MUC5AC: variants seen among roughly 807,000 people sequenced by gnomAD.
MUC5AC encodes mucin 5AC, oligomeric mucus/gel-forming, also known as mucin-5AC.
MUC5AC carries 158 observed loss-of-function variants against 169.7 expected under a neutral mutation model. The observed-to-expected ratio is 0.93, with a 90% CI of 0.82 to 1.06. The LOEUF (loss-of-function observed/expected upper bound fraction) is 1.06, where lower values mean the gene tolerates loss of function less well. Ranked by LOEUF, MUC5AC falls within the 50% of genes least tolerant of loss-of-function variation. The pLI, the probability that MUC5AC is intolerant of heterozygous loss-of-function variation, is 0.00. For missense variants in MUC5AC, 4,359 were observed against 3,089.9 expected (o/e 1.41, Z -9.74); for synonymous variants, 1,975 against 1,237.0 (o/e 1.60, Z -12.52).
intron 10 of MUC5AC, 60 bp from the exon 11 acceptor site, chr11:1,165,562 G>T: frequency 1.9e-6 from 3 of 1,602,662 alleles, no homozygotes; most frequent in South Asian, 1.1e-5. Flanking sequence ...CTCCTGACGC[G>T]GAGGCTGGAG....
chr11:1,187,624 C>T lies in MUC5AC; in HGVS notation c.9479C>T (p.Pro3160Leu), dbSNP rs1310754767. The change falls in exon 31 of 49, where the codon CCC becomes CTC. Residue 3160 changes from proline to leucine, a missense_variant. Coordinates refer to ENST00000621226, the MANE Select transcript of MUC5AC (RefSeq NM_001304359.2). ...SGPGTTPSPV[P>L]TTSTIFAPRT... ...CCTGGAACCACTCCCAGCCCTGTTC[C>T]CACCACCAGCACAATCTTTGCTCCT... 7 of 764,044 alleles carry T rather than the reference C, an allele frequency of 9.2e-6. No homozygotes were observed. Among genetic ancestry groups the T allele is most frequent in the Admixed American group, 1.7e-5 (1 of 58,776 alleles). 47.3% of individuals were successfully genotyped at this position (764,044 alleles called of 1,614,324 possible).
chr11:1,189,917 C>G lies in MUC5AC; in HGVS notation c.11772C>G (p.Thr3924=). The G allele has an allele frequency of 3.9e-6, 3 of 765,114 alleles. No homozygotes were observed. Among genetic ancestry groups the G allele is most frequent in the Non-Finnish European group, 7.2e-6 (3 of 417,860 alleles). 47.4% of individuals were successfully genotyped at this position (765,114 alleles called of 1,614,324 possible). The change falls in exon 31 of 49, where the codon ACC becomes ACG. Residue 3924 remains threonine (T), a synonymous_variant. Transcript: ENST00000621226. ...GAACTACTCCCAGCCCCGTTCCCAC[C>G]ACCAGCACAGCCTCTGTTTCAAAGA... The part of the protein sequence containing the change: ...GSGTTPSPVP[T]TSTASVSKTS...
Position 1,194,607 on chromosome 11 carries a change from G to A in MUC5AC, c.15127G>A (p.Gly5043Ser), listed in dbSNP as rs754161223. 10 of 764,464 alleles carry A rather than the reference G, an allele frequency of 1.3e-5. No homozygotes were observed. The highest frequency in any genetic ancestry group is 1.4e-5 in the Non-Finnish European group (6 of 417,596). 47.4% of individuals were successfully genotyped at this position (764,464 alleles called of 1,614,324 possible). Residue 5043 changes from glycine (G) to serine (S), a missense_variant, in exon 35 of 49, where the codon GGC becomes AGC. By Grantham distance (56) the Gly-to-Ser change is moderately conservative. Coordinates refer to ENST00000621226, the MANE Select transcript of MUC5AC (RefSeq NM_001304359.2). ...GCTGGGAGTCCAGGTCATGTTCTCC[G>A]GCCTCATCTTCTCCGTGGAGGTGCC... ...PELGVQVMFS[G>S]LIFSVEVPFS...
At position 1,188,158 on chromosome 11, in the gene MUC5AC, C is replaced by G; in HGVS notation, c.10013C>G (p.Thr3338Ser). The change falls in exon 31 of 49, where the codon ACC (threonine) becomes AGC (serine). Residue 3338 changes from threonine (T) to serine (S), a missense_variant. Transcript: ENST00000621226. ...VTSTPVTAPS[T>S]PSGRATSPTQ... ...TCCACACCTGTGACAGCTCCTAGCA[C>G]CCCTAGTGGGAGAGCCACCAGCCCA... The G allele has an allele frequency of 1.4e-6, 1 of 716,340 alleles. No individual in the cohort carries two copies. Among genetic ancestry groups the G allele is most frequent in the Middle Eastern group, 2.4e-4 (1 of 4,204 alleles). The allele number at this position is 716,340 out of a possible 1,614,324, so 44.4% of individuals were successfully genotyped here. A position where few individuals can be genotyped will look rare whatever the true frequency, so the allele number is the denominator to read the frequency against.
chr11:1,187,356 G>C lies in MUC5AC; in HGVS notation c.9211G>C (p.Val3071Leu). The C allele has an allele frequency of 1.3e-6, 1 of 741,188 alleles. No individual in the cohort carries two copies. Among genetic ancestry groups the C allele is most frequent in the Non-Finnish European group, 2.5e-6 (1 of 405,526 alleles). The allele number at this position is 741,188 out of a possible 1,614,324, so 45.9% of individuals were successfully genotyped here. Reference protein sequence around the residue: ...TSGPGTTPSPVPTTSTTSAPT... With the variant: ...TSGPGTTPSPLPTTSTTSAPT... ...TGGTCCTGGAACTACCCCAAGCCCT[G>C]TTCCCACCACCAGCACAACCTCTGC... The change falls in exon 31 of 49, where the codon GTT (valine) becomes CTT (leucine). Residue 3071 changes from valine to leucine, a missense_variant. Val to Leu is a conservative substitution (Grantham distance 32, BLOSUM62 1). Coordinates refer to ENST00000621226, the MANE Select transcript of MUC5AC (RefSeq NM_001304359.2).
rs2133756006 is a variant in MUC5AC, at chr11:1,185,062, A to AAC, written c.6917_6918insAC (p.Asn2306LysfsTer20). The AAC allele has an allele frequency of 0.059, 28,257 of 481,442 alleles. 2 individuals carry two copies. The highest frequency in any genetic ancestry group is 0.22 in the African/African-American group (7,486 of 33,366). 29.8% of individuals were successfully genotyped at this position (481,442 alleles called of 1,614,324 possible). A position where few individuals can be genotyped will look rare whatever the true frequency, so the allele number is the denominator to read the frequency against. On this transcript the variant is annotated frameshift_variant, in exon 31 of 49. Coordinates refer to ENST00000621226, the MANE Select transcript of MUC5AC (RefSeq NM_001304359.2). LOFTEE classifies it high-confidence loss of function. ...GCCAGCACAACCTCTGGTCCTGGAA[A>AAC]TACTCCCAGCCCTGTTCCTACCACC... is the stretch of plus-strand genomic sequence containing the variant.
In MUC5AC at chr11:1,185,507, T is replaced by C. The variant is rs1860916543; in HGVS notation, c.7362T>C (p.Pro2454=). The C allele has an allele frequency of 1.4e-5, 10 of 727,024 alleles. No individual in the cohort carries two copies. In the South Asian group the frequency reaches 1.4e-4, roughly 10 times the overall value. The allele number at this position is 727,024 out of a possible 1,614,324, so 45.0% of individuals were successfully genotyped here. The change falls in exon 31 of 49, where the codon CCT becomes CCC. Residue 2454 remains proline (P), a synonymous_variant. Transcript: ENST00000621226. ...CTGGTCCTGGAACTACCCCAAGCCC[T>C]GTTCCCACGACCAGCACAACCTCTG... ...TTSGPGTTPS[P]VPTTSTTSAP...
At position 1,194,517 on chromosome 11, in the gene MUC5AC, G is replaced by A. The variant is rs760446651; in HGVS notation, c.15037G>A (p.Gly5013Ser). ...CTTCAACAACAAGGTGGTCAGCCCC[G>A]GCTTCCGGAAAAACGGCATCGTGGT... The part of the protein sequence containing the change: ...IIFNNKVVSP[G>S]FRKNGIVVSR... Residue 5013 changes from glycine (G) to serine (S), a missense_variant, in exon 35 of 49, where the codon GGC becomes AGC. Physicochemically the swap from Gly to Ser is moderately conservative, Grantham distance 56. Transcript: ENST00000621226. The A allele has an allele frequency of 3.5e-5, 27 of 762,592 alleles. No homozygotes were observed. The highest frequency in any genetic ancestry group is 1.9e-4 in the African/African-American group (11 of 59,202). 47.2% of individuals were successfully genotyped at this position (762,592 alleles called of 1,614,324 possible).
chr11:1,192,988 C>A lies in MUC5AC; in HGVS notation c.14580+6C>A, dbSNP rs887647812. On this transcript the variant is annotated splice_donor_region_variant and intron_variant, in intron 32 of 48. Transcript: ENST00000621226. ...ATGCGGTTCCCCCCAGAAAGGTAAC[C>A]CCCTACTTCTCACCCTTCTGAAGGC... is the stretch of plus-strand genomic sequence containing the variant. The A allele has an allele frequency of 2.9e-6, 2 of 697,134 alleles. No individual in the cohort carries two copies. Among genetic ancestry groups the A allele is most frequent in the Non-Finnish European group, 5.3e-6 (2 of 378,414 alleles). 43.2% of individuals were successfully genotyped at this position (697,134 alleles called of 1,614,324 possible). A position where few individuals can be genotyped will look rare whatever the true frequency, so the allele number is the denominator to read the frequency against.
chr11:1,186,327 C>T lies in MUC5AC; in HGVS notation c.8182C>T (p.Pro2728Ser), dbSNP rs1247627664. Residue 2728 changes from proline to serine, a missense_variant, in exon 31 of 49, where the codon CCA becomes TCA. Transcript: ENST00000621226. ...CCCTACAACCAGCACAATCTCGGCC[C>T]CAACAACCAGCACAACCTCTGCCAC... ...SAPTTSTISA[P>S]TTSTTSATTT... is the part of the protein sequence containing the mutation. The T allele has an allele frequency of 1.1e-5, 8 of 720,854 alleles. No homozygotes were observed. In the Admixed American group the frequency reaches 1.5e-4, roughly 14 times the overall value. The allele number at this position is 720,854 out of a possible 1,614,324, so 44.7% of individuals were successfully genotyped here.
intron 5 of MUC5AC, 64 bp from the exon 6 acceptor site, chr11:1,162,891 C>A: frequency 1.3e-6 from 2 of 1,496,558 alleles, no homozygotes; most frequent in Non-Finnish European, 1.9e-6. Flanking sequence ...AAATCTCAGG[C>A]TCGAGCCTCA....
chr11:1,187,103 C>T lies in MUC5AC; in HGVS notation c.8958C>T (p.Thr2986=), dbSNP rs1860971089. Residue 2986 remains threonine (T), a synonymous_variant, in exon 31 of 49, where the codon ACC becomes ACT. Coordinates refer to ENST00000621226, the MANE Select transcript of MUC5AC (RefSeq NM_001304359.2). ...PGTTPSPVPT[T]STTSAPTTST... ...CTACTCCCAGCCCTGTTCCCACCAC[C>T]AGCACAACCTCTGCTCCCACAACAA... The T allele has an allele frequency of 2.7e-6, 2 of 733,414 alleles. No homozygotes were observed. Among genetic ancestry groups the T allele is most frequent in the Admixed American group, 3.7e-5 (2 of 53,738 alleles). 45.4% of individuals were successfully genotyped at this position (733,414 alleles called of 1,614,324 possible).
At chr11:1,199,599 CT>C in intron 46 of MUC5AC, 95 bp from the exon 47 acceptor site, 1 of 693,098 alleles carries the variant, frequency 1.4e-6, no homozygotes, top group Admixed American at 2.0e-5. Flanking sequence ...CTGCTTGGGG[CT>C]GTCCACTCCT....
At position 1,194,230 on chromosome 11, in the gene MUC5AC, G is replaced by A. The variant is rs1372136194; in HGVS notation, c.14876G>A (p.Arg4959His). The A allele has an allele frequency of 5.2e-6, 4 of 764,996 alleles. No homozygotes were observed. Among genetic ancestry groups the A allele is most frequent in the Admixed American group, 1.7e-5 (1 of 59,002 alleles). 47.4% of individuals were successfully genotyped at this position (764,996 alleles called of 1,614,324 possible). ...QQIVPVYGHF[R>H]VLVDNYFCGA... The stretch of plus-strand genomic sequence containing the variant: ...ATTGTGCCCGTGTATGGCCACTTCC[G>A]CGTGCTCGTCGACAACTACTTCTGC... The change falls in exon 34 of 49, where the codon CGC becomes CAC. Residue 4959 changes from arginine (R) to histidine (H), a missense_variant. Coordinates refer to ENST00000621226, the MANE Select transcript of MUC5AC (RefSeq NM_001304359.2).
At chr11:1,158,800 A>C (rs1860039842) in intron 1 of MUC5AC, among the ~76,000 whole-genome samples, 1 of 152,114 alleles carries the variant, frequency 6.6e-6, no homozygotes, top group Non-Finnish European at 1.5e-5. Flanking sequence ...GGACCTCAGC[A>C]CTGCCGAGAC....
Position 1,188,979 on chromosome 11 carries a change from G to A in MUC5AC, c.10834G>A (p.Glu3612Lys), listed in dbSNP as rs1339709677. ...ACCCTTCAAGATGTGCCTCAACTAC[G>A]AGGTGCGTGTGCTTTGCTGCGAGAC... ...QGPFKMCLNY[E>K]VRVLCCETPK... Residue 3612 changes from glutamate (E) to lysine (K), a missense_variant, in exon 31 of 49, where the codon GAG becomes AAG. Glu to Lys is a moderately conservative substitution (Grantham distance 56). Transcript: ENST00000621226. The A allele has an allele frequency of 1.4e-6, 1 of 691,794 alleles. No homozygotes were observed. The highest frequency in any genetic ancestry group is 2.1e-5 in the Admixed American group (1 of 48,144). The allele number at this position is 691,794 out of a possible 1,614,324, so 42.9% of individuals were successfully genotyped here.
chr11:1,175,866 C>T (rs1440442054), intron 19 of MUC5AC, among the ~76,000 whole-genome samples: 1 of 39,140 alleles, frequency 2.6e-5, no homozygotes, highest in Non-Finnish European at 5.4e-5. Context: ...TGGACACGCT[C>T]ACACATCCAC....
At position 1,164,453 on chromosome 11, in the gene MUC5AC, C is replaced by A; in HGVS notation, c.1050C>A (p.Pro350=). Residue 350 remains proline, a synonymous_variant, in exon 9 of 49, where the codon CCC becomes CCA. Coordinates refer to ENST00000621226, the MANE Select transcript of MUC5AC (RefSeq NM_001304359.2). ...TGCAGTACCACGAGTGCCGCTCCCCCTGCGCAGACACCTGCTCCAACCAGG... is the reference window on the plus strand; with the variant it reads ...TGCAGTACCACGAGTGCCGCTCCCCATGCGCAGACACCTGCTCCAACCAGG... ...NNMQYHECRS[P]CADTCSNQEH... is the part of the protein sequence containing the mutation. 1 of 1,612,068 alleles carries A rather than the reference C, an allele frequency of 6.2e-7. No homozygotes were observed. Among genetic ancestry groups the A allele is most frequent in the Non-Finnish European group, 8.5e-7 (1 of 1,179,648 alleles).
Position 1,193,397 on chromosome 11 carries a change from G to T in MUC5AC, c.14581-88G>T, listed in dbSNP as rs74046251. 8.0e-4 allele frequency: 510 copies of T among 640,998 alleles called. 1 individual carries two copies. In the African/African-American group the frequency reaches 8.1e-3, roughly 10 times the overall value. The allele number at this position is 640,998 out of a possible 1,614,324, so 39.7% of individuals were successfully genotyped here. ...CAGCCACCCTCCCCTGTCCCCACAC[G>T]GGACTCTCGGGACTGTGACCCCGAG... On this transcript the variant is annotated intron_variant, in intron 32 of 48. Transcript: ENST00000621226.
Sources: gnomAD v4.1 joint callset for allele counts (sites outside exome capture counted in the v4.1 genomes callset) on GRCh38, gnomAD v4.1.1 for gene constraint, MANE v1.5 for transcripts, NCBI Gene and HGNC (gene_info 2026-07-23, HGNC 2026-07-21) for gene names.